Variants in DOCK4 observed in about 807,000 individuals in gnomAD.
DOCK4 encodes dedicator of cytokinesis protein 4.
Under a neutral mutation model 268.1 loss-of-function variants are expected in DOCK4, and 97 were observed. That is an observed-to-expected ratio of 0.36 (90% CI 0.31 to 0.43). The LOEUF (loss-of-function observed/expected upper bound fraction) is 0.43. Ranked by LOEUF, DOCK4 falls within the 20% of genes least tolerant of loss-of-function variation. The pLI is 1.00. For missense variants in DOCK4, 2,145 were observed against 2,455.7 expected, an observed-to-expected ratio of 0.87 and a Z score of 2.67; for synonymous variants, 954 against 887.2, an observed-to-expected ratio of 1.08 and a Z score of -1.34.
At chr7:112,122,391 T>C (rs1308273014) in intron 1 of DOCK4, among the ~76,000 whole-genome samples, 1 of 152,144 alleles carries the variant, frequency 6.6e-6, no homozygotes, top group African/African-American at 2.4e-5. Context: ...CTGACTACTT[T>C]AGAGGTGGGT....
intron 30 of DOCK4, among the ~76,000 whole-genome samples, chr7:111,797,101 T>C (rs1799948859): frequency 6.6e-6 from 1 of 152,180 alleles, no homozygotes; most frequent in African/African-American, 2.4e-5. Flanking sequence ...TGAAGTGCAC[T>C]CTAAAACACC....
intron 8 of DOCK4, among the ~76,000 whole-genome samples, chr7:111,948,910 A>G (rs1426736204): frequency 7.0e-6 from 1 of 142,798 alleles, no homozygotes; most frequent in African/African-American, 2.6e-5. Flanking sequence ...ACATGCTTAG[A>G]AAAAAAAAAA....
Position 111,868,178 on chromosome 7 carries a change from T to C in DOCK4, c.2110-24A>G, listed in dbSNP as rs768883737. ...GCCTTAAAAATACAATTTTTAAAAGTTAGCTTCAAAGGAGACAAAGAGTAT... is the reference window on the plus strand; with the variant it reads ...GCCTTAAAAATACAATTTTTAAAAGCTAGCTTCAAAGGAGACAAAGAGTAT... On this transcript the variant is annotated intron_variant, in intron 21 of 52. Coordinates refer to ENST00000428084, the MANE Select transcript of DOCK4 (RefSeq NM_001363540.2). 1.0e-4 allele frequency: 158 copies of C among 1,545,008 alleles called. No homozygotes were observed. Among genetic ancestry groups the C allele is most frequent in the East Asian group, 5.9e-4 (26 of 43,832 alleles).
intron 16 of DOCK4, among the ~76,000 whole-genome samples, chr7:111,892,274 C>A (rs1808347167): frequency 6.6e-6 from 1 of 152,140 alleles, no homozygotes; most frequent in Admixed American, 6.5e-5. Context: ...GATCTCGGCT[C>A]ACTGTAACCT....
chr7:112,003,065 A>T (rs541963409), intron 2 of DOCK4, among the ~76,000 whole-genome samples: 1 of 150,608 alleles, frequency 6.6e-6, no homozygotes, highest in South Asian at 2.1e-4. Context: ...AAAAAAAAAA[A>T]GGAAACAGAA....
intron 1 of DOCK4, among the ~76,000 whole-genome samples, chr7:112,104,455 G>T (rs1810961413): frequency 6.6e-6 from 1 of 152,102 alleles, no homozygotes. Context: ...AACATTTACA[G>T]CCTCTTTAGG....
chr7:111,895,663 T>C lies in DOCK4; in HGVS notation c.1536A>G (p.Gln512=), dbSNP rs1354550006. The change falls in exon 16 of 53, where the codon CAA becomes CAG. Residue 512 remains glutamine, a synonymous_variant. Transcript: ENST00000428084. ...LFGFSFVPLM[Q]EDGRTLPDGT... Reference sequence around the variant, plus strand: ...CATCTGGAAGAGTCCTACCATCTTCTTGCATCAGAGGGACAAAAGAAAACC... The same window carrying C: ...CATCTGGAAGAGTCCTACCATCTTCCTGCATCAGAGGGACAAAAGAAAACC... 2.5e-6 allele frequency: 4 copies of C among 1,613,990 alleles called. No individual in the cohort carries two copies. Among genetic ancestry groups the C allele is most frequent in the South Asian group, 2.2e-5 (2 of 91,086 alleles).
intron 1 of DOCK4, among the ~76,000 whole-genome samples, chr7:112,066,155 T>G (rs777692454): frequency 6.6e-6 from 1 of 152,124 alleles, no homozygotes; most frequent in Non-Finnish European, 1.5e-5. Flanking sequence ...AGAACAGCAT[T>G]TGAATCAGTG....
At chr7:111,832,017 C>G (rs1239894960) in intron 26 of DOCK4, among the ~76,000 whole-genome samples, 10 of 152,090 alleles carry the variant, frequency 6.6e-5, no homozygotes, top group Non-Finnish European at 8.8e-5. Context: ...GTGAGCCAGA[C>G]AAAGCTTCAG....
chr7:111,954,659 T>C (rs1388123958), intron 8 of DOCK4, among the ~76,000 whole-genome samples: 3 of 152,124 alleles, frequency 2.0e-5, no homozygotes, highest in African/African-American at 7.2e-5. Flanking sequence ...ACTGTCCGGG[T>C]ACTACGTAGC....
At chr7:111,825,973 G>A (rs1802357260) in intron 26 of DOCK4, among the ~76,000 whole-genome samples, 2 of 152,120 alleles carry the variant, frequency 1.3e-5, no homozygotes, top group African/African-American at 4.8e-5. Context: ...CACTGTGTTA[G>A]ATGCTGGGGA....
chr7:112,184,689 C>T (rs1819344280), intron 1 of DOCK4, among the ~76,000 whole-genome samples: 2 of 152,062 alleles, frequency 1.3e-5, no homozygotes, highest in Admixed American at 6.6e-5. Flanking sequence ...GCCTTGGACA[C>T]TGGTTCCCAG....
intron 1 of DOCK4, among the ~76,000 whole-genome samples, chr7:112,037,393 C>T (rs1199551540): frequency 1.3e-5 from 2 of 152,168 alleles, no homozygotes; most frequent in African/African-American, 4.8e-5. Context: ...AATGCCCCAA[C>T]TAGGATATAG....
At chr7:111,756,358 AT>A (rs113423078) in intron 41 of DOCK4, among the ~76,000 whole-genome samples, 2,468 of 151,300 alleles carry the variant, frequency 0.016, 26 homozygotes, top group Middle Eastern at 0.041. Flanking sequence ...CAAAAAAATT[AT>A]TTTTTTTTGA....
chr7:111,865,510 G>T (rs544814833), intron 22 of DOCK4, among the ~76,000 whole-genome samples: 2 of 152,322 alleles, frequency 1.3e-5, no homozygotes, highest in Admixed American at 1.3e-4. Flanking sequence ...GTAAAGCTTG[G>T]ACAAATTCAG....
chr7:112,119,826 G>C lies in DOCK4; in HGVS notation c.37+86276C>G, dbSNP rs967079623. Among the ~76,000 whole-genome samples the C allele has an allele frequency of 1.5e-4, 23 of 151,646 alleles. 1 individual carries two copies. The highest frequency in any genetic ancestry group is 1.3e-3 in the Admixed American group (20 of 15,236). On this transcript the variant is annotated intron_variant, in intron 1 of 52. Coordinates refer to ENST00000428084, the MANE Select transcript of DOCK4 (RefSeq NM_001363540.2). ...AAGCACAGTGCCTGGCGTATATTTA[G>C]TGCTCAATAAATGGGTAGATGGCTT...
intron 26 of DOCK4, among the ~76,000 whole-genome samples, chr7:111,826,689 A>T (rs1802419155): frequency 6.6e-6 from 1 of 152,090 alleles, no homozygotes; most frequent in Non-Finnish European, 1.5e-5. Context: ...TTGGATACAC[A>T]CTGACATAAA....
At chr7:111,752,819 C>T (rs577048630) in intron 42 of DOCK4, among the ~76,000 whole-genome samples, 1 of 151,988 alleles carries the variant, frequency 6.6e-6, no homozygotes, top group Non-Finnish European at 1.5e-5. Flanking sequence ...AATTCCTGAC[C>T]TCAGGTGATA....
chr7:111,870,308 TTTTC>T (rs1454083718), intron 20 of DOCK4, among the ~76,000 whole-genome samples: 1 of 151,618 alleles, frequency 6.6e-6, no homozygotes, highest in East Asian at 1.9e-4. Context: ...GGTTTCTCTT[TTTTC>T]TTTTTCTTTT....
Sources: gnomAD v4.1 joint callset for allele counts (sites outside exome capture counted in the v4.1 genomes callset) on GRCh38, gnomAD v4.1.1 for gene constraint, MANE v1.5 for transcripts, NCBI Gene and HGNC (gene_info 2026-07-23, HGNC 2026-07-21) for gene names.